FAF1: variants seen among roughly 807,000 people sequenced by gnomAD.
FAF1 encodes the protein Fas associated factor 1.
Under a neutral mutation model 92.5 loss-of-function variants are expected in FAF1, and 25 were observed. The ratio of observed to expected loss-of-function variants is 0.27; its 90% CI spans 0.20 to 0.38. The LOEUF (loss-of-function observed/expected upper bound fraction) is 0.38. Ranked by LOEUF, FAF1 falls within the 10% of genes least tolerant of loss-of-function variation. The probability of loss-of-function intolerance (pLI) is 1.00; values close to 1 mark genes in which losing one functional copy is unlikely to be tolerated. For missense variants in FAF1, 636 were observed against 793.3 expected (o/e 0.80, Z 2.38); for synonymous variants, 234 against 273.2 (o/e 0.86, Z 1.42).
rs184715047 is a variant in FAF1 at position 50,753,991 on chromosome 1, C to T, written c.368-9216G>A. ...CAGGCTGGTCTCGATCTCCTGATCTCGTGATACGCCCACCTTGGCCTCCCA... is the reference window on the plus strand; with the variant it reads ...CAGGCTGGTCTCGATCTCCTGATCTTGTGATACGCCCACCTTGGCCTCCCA... On this transcript the variant is annotated intron_variant, in intron 4 of 18. Transcript: ENST00000396153. 1.5e-3 allele frequency among the ~76,000 whole-genome samples: 230 copies of T among 152,024 alleles called. 2 individuals carry two copies. The highest frequency in any genetic ancestry group is 5.4e-3 in the African/African-American group (223 of 41,490).
At chr1:50,442,111 T>C (rs1053843480) in intron 18 of FAF1, among the ~76,000 whole-genome samples, 1 of 152,134 alleles carries the variant, frequency 6.6e-6, no homozygotes, top group African/African-American at 2.4e-5. Context: ...AATTTTGTAA[T>C]ATGAACTATT....
intron 2 of FAF1, among the ~76,000 whole-genome samples, chr1:50,819,618 TGACC>T (rs1157494481): frequency 7.8e-6 from 1 of 128,800 alleles, no homozygotes; most frequent in African/African-American, 3.2e-5. Flanking sequence ...AGAGCAAGAC[TGACC>T]GACTGACTGA....
chr1:50,676,557 A>AT (rs1325158127), intron 7 of FAF1, among the ~76,000 whole-genome samples: 1 of 152,202 alleles, frequency 6.6e-6, no homozygotes, highest in African/African-American at 2.4e-5. Context: ...ACAATGGCTC[A>AT]TGCCTGTAAT....
chr1:50,670,697 T>A (rs1655836901), intron 7 of FAF1, among the ~76,000 whole-genome samples: 1 of 152,132 alleles, frequency 6.6e-6, no homozygotes, highest in Non-Finnish European at 1.5e-5. Flanking sequence ...CTCTGGGGGC[T>A]GAGGTGGGTG....
At chr1:50,943,163 T>C (rs1254318857) in intron 1 of FAF1, among the ~76,000 whole-genome samples, 5 of 152,218 alleles carry the variant, frequency 3.3e-5, no homozygotes, top group African/African-American at 9.7e-5. Flanking sequence ...TATCAGGCAC[T>C]CTGATTAATC....
chr1:50,560,384 A>AC lies in FAF1; in HGVS notation c.1268+6692dup, dbSNP rs145712305. ...AGTTTGCAGTGACCTGAAATACCAC[A>AC]CCCAAGGGCATTAAGTTCAAAAGCT... On this transcript the variant is annotated intron_variant, in intron 13 of 18. Transcript: ENST00000396153. Among the ~76,000 whole-genome samples, 377 of 152,344 alleles carry AC rather than the reference A, an allele frequency of 2.5e-3. 3 individuals carry two copies. The highest frequency in any genetic ancestry group is 8.6e-3 in the African/African-American group (357 of 41,564).
intron 4 of FAF1, among the ~76,000 whole-genome samples, chr1:50,752,693 T>C (rs1179429114): frequency 6.6e-6 from 1 of 152,262 alleles, no homozygotes; most frequent in African/African-American, 2.4e-5. Flanking sequence ...TGGTTTTGTT[T>C]TGTTTTTTTG....
intron 4 of FAF1, chr1:50,780,904 C>G (rs1041858569): frequency 1.0e-5 from 5 of 485,152 alleles, no homozygotes; most frequent in Non-Finnish European, 2.1e-5. Context: ...CATGGCTCAG[C>G]AGGAAGCAGA....
intron 1 of FAF1, among the ~76,000 whole-genome samples, chr1:50,927,150 A>T (rs1645012355): frequency 6.6e-6 from 1 of 152,218 alleles, no homozygotes; most frequent in African/African-American, 2.4e-5. Flanking sequence ...GGGAAGATGA[A>T]AACGTTCTAG....
intron 1 of FAF1, among the ~76,000 whole-genome samples, chr1:50,875,454 T>G (rs1644562926): frequency 6.6e-6 from 1 of 152,008 alleles, no homozygotes; most frequent in Non-Finnish European, 1.5e-5. Flanking sequence ...CATATATTCT[T>G]TTTTTCTTTT....
intron 2 of FAF1, among the ~76,000 whole-genome samples, chr1:50,853,296 T>C (rs960172206): frequency 2.6e-5 from 4 of 152,164 alleles, no homozygotes; most frequent in Non-Finnish European, 5.9e-5. Context: ...AGTACCTCAA[T>C]GGATCTTAAA....
chr1:50,550,975 G>A (rs903077049), intron 13 of FAF1, among the ~76,000 whole-genome samples: 6 of 152,190 alleles, frequency 3.9e-5, no homozygotes, highest in Non-Finnish European at 1.5e-5. Context: ...ATATGGAATG[G>A]ACAGATGAAT....
chr1:50,766,314 AAGCCATTACCCCCT>A (rs1660568793), intron 4 of FAF1, among the ~76,000 whole-genome samples: 1 of 152,364 alleles, frequency 6.6e-6, no homozygotes, highest in East Asian at 1.9e-4. Flanking sequence ...TAAACATTAT[AAGCCATTACCCCCT>A]AGAATACTTT....
intron 6 of FAF1, among the ~76,000 whole-genome samples, chr1:50,722,261 T>A (rs959597142): frequency 3.3e-5 from 5 of 152,170 alleles, no homozygotes; most frequent in Admixed American, 3.3e-4. Flanking sequence ...GACTTTATGT[T>A]GAGGACCACA....
At chr1:50,736,576 C>T (rs951650183) in intron 6 of FAF1, among the ~76,000 whole-genome samples, 5 of 152,006 alleles carry the variant, frequency 3.3e-5, no homozygotes, top group African/African-American at 1.2e-4. Context: ...ATGGTGAAAC[C>T]CCATCTCTAC....
At chr1:50,780,780 C>T in intron 4 of FAF1, 1 of 347,202 alleles carries the variant, frequency 2.9e-6, no homozygotes, top group South Asian at 2.3e-5. Flanking sequence ...GGTCTCCACA[C>T]AGGTGAGTGA....
chr1:50,758,420 T>C (rs1429632880), intron 4 of FAF1, among the ~76,000 whole-genome samples: 1 of 152,272 alleles, frequency 6.6e-6, no homozygotes, highest in African/African-American at 2.4e-5. Context: ...TACGACAGAA[T>C]ACTTCTAGTT....
chr1:50,696,962 A>G (rs2124407262), intron 7 of FAF1, among the ~76,000 whole-genome samples: 1 of 152,354 alleles, frequency 6.6e-6, no homozygotes, highest in Admixed American at 6.5e-5. Flanking sequence ...ACCACAATTC[A>G]TTAGCAAATT....
chr1:50,796,993 G>T (rs139773059), intron 3 of FAF1, among the ~76,000 whole-genome samples: 21 of 152,116 alleles, frequency 1.4e-4, no homozygotes, highest in African/African-American at 5.1e-4. Flanking sequence ...AAAATTAGCC[G>T]GGCTTGGTGG....
Sources: gnomAD v4.1 joint callset for allele counts (sites outside exome capture counted in the v4.1 genomes callset) on GRCh38, gnomAD v4.1.1 for gene constraint, MANE v1.5 for transcripts, NCBI Gene and HGNC (gene_info 2026-07-23, HGNC 2026-07-21) for gene names.